Variants in ATP2C2 observed in about 807,000 individuals in gnomAD.
ATP2C2 encodes calcium-transporting ATPase type 2C member 2.
Under a neutral mutation model 110.8 loss-of-function variants are expected in ATP2C2, and 171 were observed. That is an observed-to-expected ratio of 1.54 (90% confidence interval 1.36 to 1.75). ATP2C2 has a LOEUF of 1.75. ATP2C2 is among the 40% of genes most tolerant of loss of function. ATP2C2 has a pLI of 0.00. For synonymous variants in ATP2C2, 804 were observed against 508.4 expected (o/e 1.58, Z -7.82); for missense variants, 1,963 against 1,235.0 (o/e 1.59, Z -8.84).
At chr16:84,422,824 A>C in intron 9 of ATP2C2, 127 bp downstream of exon 9, 1 of 1,085,348 alleles carries the variant, frequency 9.2e-7, no homozygotes. Flanking sequence ...TATACTTTTT[A>C]AACATTTAAT....
At chr16:84,392,903 G>A (rs898694453) in intron 1 of ATP2C2, among the ~76,000 whole-genome samples, 1 of 152,162 alleles carries the variant, frequency 6.6e-6, no homozygotes, top group Non-Finnish European at 1.5e-5. Flanking sequence ...ACTGGTGGGT[G>A]GGCCTAGAAT....
chr16:84,462,145 G>C lies in ATP2C2; in HGVS notation c.2722+16G>C. 6.2e-7 allele frequency: 1 copy of C among 1,607,032 alleles called. No homozygotes were observed. Among genetic ancestry groups the C allele is most frequent in the Non-Finnish European group, 8.5e-7 (1 of 1,175,346 alleles). ...GGAGCGCTTGGTGAGTGGTGGGGAC[G>C]GGAACGACAGGTGACCTCGACCAGG... On this transcript the variant is annotated intron_variant, in intron 26 of 26. Transcript: ENST00000262429.
intron 1 of ATP2C2, among the ~76,000 whole-genome samples, chr16:84,393,359 C>T (rs1054797677): frequency 3.3e-5 from 5 of 152,064 alleles, no homozygotes; most frequent in African/African-American, 1.2e-4. Flanking sequence ...GGAGTGGCAG[C>T]GTCCACGAGC....
chr16:84,454,885 A>G lies in ATP2C2; in HGVS notation c.2048A>G (p.Lys683Arg). The G allele has an allele frequency of 6.2e-7, 1 of 1,614,064 alleles. No individual in the cohort carries two copies. Among genetic ancestry groups the G allele is most frequent in the East Asian group, 2.2e-5 (1 of 44,872 alleles). The change falls in exon 21 of 27, where the codon AAG becomes AGG. Residue 683 changes from lysine (K) to arginine (R), a missense_variant. Transcript: ENST00000262429. ...GGGGTGAACGACGCAGTGGCCCTGA[A>G]GTCTGCAGACATTGGGATCGCCATG... Reference protein sequence around the residue: ...GDGVNDAVALKSADIGIAMGQ... With the variant: ...GDGVNDAVALRSADIGIAMGQ...
intron 11 of ATP2C2, among the ~76,000 whole-genome samples, chr16:84,432,922 G>T (rs72806618): frequency 6.6e-6 from 1 of 152,130 alleles, no homozygotes; most frequent in African/African-American, 2.4e-5. Flanking sequence ...CCCTGAGAGC[G>T]GGCTCCAGCA....
At chr16:84,385,369 G>C (rs1904305143) in intron 1 of ATP2C2, among the ~76,000 whole-genome samples, 1 of 152,168 alleles carries the variant, frequency 6.6e-6, no homozygotes, top group Non-Finnish European at 1.5e-5. Context: ...CCATGATGCA[G>C]TCACCTCCCA....
In ATP2C2 at chr16:84,426,356, G is replaced by A. The variant is rs537655439; in HGVS notation, c.986+555G>A. ...CCATTCATGAGGGATCCACCCCATC[G>A]TCCAATCTCCTCCCACCTCCAACAC... is the stretch of plus-strand genomic sequence containing the variant. On this transcript the variant is annotated intron_variant, in intron 11 of 26. Transcript: ENST00000262429. 8.5e-5 allele frequency among the ~76,000 whole-genome samples: 13 copies of A among 152,232 alleles called. No homozygotes were observed. In the South Asian group the frequency reaches 1.2e-3, roughly 15 times the overall value.
intron 23 of ATP2C2, 143 bp from the exon 24 acceptor site, chr16:84,460,511 G>T: frequency 1.8e-6 from 2 of 1,140,080 alleles, no homozygotes; most frequent in Non-Finnish European, 2.6e-6. Flanking sequence ...AGGAGGGCAG[G>T]TGCGATGCCT....
At chr16:84,459,868 GAT>G in intron 23 of ATP2C2, 5 of 369,872 alleles carry the variant, frequency 1.4e-5, no homozygotes, top group Non-Finnish European at 1.0e-5. Context: ...GATGTCTAGA[GAT>G]AAAGGGCTTG....
At chr16:84,391,114 A>AAAAAG (rs1904634662) in intron 1 of ATP2C2, among the ~76,000 whole-genome samples, 1 of 24,420 alleles carries the variant, frequency 4.1e-5, no homozygotes, top group African/African-American at 1.1e-4. Flanking sequence ...ACTCAGACTC[A>AAAAAG]AAAAAAAAAA....
intron 11 of ATP2C2, among the ~76,000 whole-genome samples, chr16:84,437,035 T>C (rs1400472364): frequency 6.6e-6 from 1 of 152,170 alleles, no homozygotes; most frequent in Non-Finnish European, 1.5e-5. Context: ...GTGCTGGGAT[T>C]ACAGGCATGA....
chr16:84,459,250 T>C lies in ATP2C2; in HGVS notation c.2217-20T>C. 6.2e-7 allele frequency: 1 copy of C among 1,614,004 alleles called. No individual in the cohort carries two copies. Among genetic ancestry groups the C allele is most frequent in the Non-Finnish European group, 8.5e-7 (1 of 1,179,830 alleles). ...CCACGCCTGGCGGGCGGCCGCTGAC[T>C]GGCTGCGTGTGCCCCGCAGGAGCAT... is the stretch of plus-strand genomic sequence containing the variant. On this transcript the variant is annotated intron_variant, in intron 22 of 26. Coordinates refer to ENST00000262429, the MANE Select transcript of ATP2C2 (RefSeq NM_014861.4).
At chr16:84,385,667 C>T (rs921196946) in intron 1 of ATP2C2, among the ~76,000 whole-genome samples, 1 of 152,152 alleles carries the variant, frequency 6.6e-6, no homozygotes, top group African/African-American at 2.4e-5. Context: ...TCTGGGGAGG[C>T]CTCAGGAAAC....
At chr16:84,449,945 T>G (rs3785065) in intron 17 of ATP2C2, among the ~76,000 whole-genome samples, 44 of 152,348 alleles carry the variant, frequency 2.9e-4, no homozygotes, top group East Asian at 9.6e-4. Flanking sequence ...GTTAAGTGCC[T>G]GTGTGAGGCC....
intron 3 of ATP2C2, chr16:84,406,442 C>T (rs1172753695): frequency 1.2e-5 from 3 of 242,928 alleles, no homozygotes; most frequent in Non-Finnish European, 2.0e-5. Context: ...TTCTCTGGCC[C>T]CTGGGCTGCC....
At chr16:84,424,656 C>T (rs979402139) in intron 10 of ATP2C2, among the ~76,000 whole-genome samples, 1 of 149,528 alleles carries the variant, frequency 6.7e-6, no homozygotes, top group African/African-American at 2.5e-5. Context: ...TCCCATGGAC[C>T]CCCTAGAAGG....
At chr16:84,368,756 C>A (rs1178029710) in intron 1 of ATP2C2, 42 bp downstream of exon 1, 1 of 1,433,744 alleles carries the variant, frequency 7.0e-7, no homozygotes, top group Non-Finnish European at 9.3e-7. Flanking sequence ...GACCCGACCC[C>A]CCATCCCCTC....
rs376545433 is a variant in ATP2C2, at chr16:84,462,041, C to T, written c.2634C>T (p.Ser878=). The T allele has an allele frequency of 9.7e-5, 157 of 1,614,098 alleles. No individual in the cohort carries two copies. Among genetic ancestry groups the T allele is most frequent in the African/African-American group, 4.8e-4 (36 of 75,036 alleles). The change falls in exon 26 of 27, where the codon TCC becomes TCT. Residue 878 remains serine, a synonymous_variant. Coordinates refer to ENST00000262429, the MANE Select transcript of ATP2C2 (RefSeq NM_014861.4). ...GFLRNHMFLY[S]VLGSILGQLA... is the part of the protein sequence containing the mutation. ...TCAGGAACCACATGTTCCTCTACTC[C>T]GTCCTGGGGTCCATCCTGGGGCAGC...
At chr16:84,401,208 T>G (rs991534594) in intron 2 of ATP2C2, among the ~76,000 whole-genome samples, 2 of 149,022 alleles carry the variant, frequency 1.3e-5, no homozygotes, top group African/African-American at 5.0e-5. Flanking sequence ...TGATCTTAGA[T>G]TGAAGTCTTT....
Sources: gnomAD v4.1 joint callset for allele counts (sites outside exome capture counted in the v4.1 genomes callset) on GRCh38, gnomAD v4.1.1 for gene constraint, MANE v1.5 for transcripts, NCBI Gene and HGNC (gene_info 2026-07-23, HGNC 2026-07-21) for gene names.